DGKB: variants seen among roughly 807,000 people sequenced by gnomAD.
DGKB encodes 90 kDa diacylglycerol kinase.
A neutral mutation model predicts 114.3 loss-of-function variants in DGKB; 67 were observed. The ratio of observed to expected loss-of-function variants is 0.59; its 90% confidence interval spans 0.48 to 0.72. DGKB has a LOEUF of 0.72. DGKB is among the 30% of genes least tolerant of loss of function. DGKB has a pLI of 0.00. For synonymous variants in DGKB, 398 were observed against 323.1 expected, an observed-to-expected ratio of 1.23 and a Z score of -2.49; for missense variants, 907 against 975.2, an observed-to-expected ratio of 0.93 and a Z score of 0.93.
intron 21 of DGKB, among the ~76,000 whole-genome samples, chr7:14,458,083 A>AC (rs1278453088): frequency 6.6e-6 from 1 of 152,178 alleles, no homozygotes; most frequent in East Asian, 1.9e-4. Flanking sequence ...ATTAAAAAAA[A>AC]CGATGCTCTA....
intron 21 of DGKB, among the ~76,000 whole-genome samples, chr7:14,460,429 GA>G (rs530874828): frequency 4.2e-5 from 6 of 143,358 alleles, no homozygotes; most frequent in South Asian, 2.2e-4. Context: ...GGAAAGCAAA[GA>G]AAAAAAAAAC....
At chr7:14,269,815 T>A (rs560088312) in intron 23 of DGKB, among the ~76,000 whole-genome samples, 1 of 152,264 alleles carries the variant, frequency 6.6e-6, no homozygotes, top group South Asian at 2.1e-4. Context: ...AATATGATTT[T>A]AGTCCAAAAT....
intron 21 of DGKB, among the ~76,000 whole-genome samples, chr7:14,391,383 G>T (rs1478667334): frequency 6.6e-6 from 1 of 151,994 alleles, no homozygotes; most frequent in Non-Finnish European, 1.5e-5. Flanking sequence ...ATAAAAAGGT[G>T]ACTTGAATGA....
intron 2 of DGKB, among the ~76,000 whole-genome samples, chr7:14,840,101 G>A (rs1241895899): frequency 6.6e-6 from 1 of 152,124 alleles, no homozygotes; most frequent in South Asian, 2.1e-4. Flanking sequence ...CCTTTTCTCT[G>A]CTTCTACTTT....
chr7:14,381,757 A>G (rs1391989614), intron 21 of DGKB, among the ~76,000 whole-genome samples: 1 of 152,178 alleles, frequency 6.6e-6, no homozygotes, highest in African/African-American at 2.4e-5. Flanking sequence ...CTACAGGTGC[A>G]GGCCACTGTG....
At chr7:14,753,832 C>G (rs910067274) in intron 4 of DGKB, 96 bp downstream of exon 4, 5 of 817,622 alleles carry the variant, frequency 6.1e-6, no homozygotes, top group African/African-American at 3.5e-5. Flanking sequence ...CATATTGGTA[C>G]AGAAGTATAG....
At chr7:14,935,307 T>A (rs997338481) in intron 1 of DGKB, among the ~76,000 whole-genome samples, 12 of 152,190 alleles carry the variant, frequency 7.9e-5, no homozygotes, top group African/African-American at 2.9e-4. Flanking sequence ...ATGAACTCTT[T>A]GAGTTTTGAT....
At position 14,539,672 on chromosome 7, in the gene DGKB, C is replaced by G. The variant is rs531779447; in HGVS notation, c.1770+34540G>C. On this transcript the variant is annotated intron_variant, in intron 20 of 25. Coordinates refer to ENST00000402815, the MANE Select transcript of DGKB (RefSeq NM_001350709.2). ...CATGTTAACTCAGTAATGAAAAGCA[C>G]AGTCCTAGAATGGCTATTCAGTTCC... Among the ~76,000 whole-genome samples, 9 of 152,226 alleles carry G rather than the reference C, an allele frequency of 5.9e-5. No individual in the cohort carries two copies. The East Asian group carries it at 1.5e-3, about 26-fold the overall frequency.
At chr7:14,852,496 A>AAAAAAAAAAAAAAAAAAAAAT (rs74765279) in intron 1 of DGKB, among the ~76,000 whole-genome samples, 13 of 149,102 alleles carry the variant, frequency 8.7e-5, no homozygotes, top group Middle Eastern at 3.4e-3. Context: ...TCAAAAAAAA[A>AAAAAAAAAAAAAAAAAAAAAT]ACAGAAATCA....
At chr7:14,588,788 T>C (rs1211896672) in intron 17 of DGKB, among the ~76,000 whole-genome samples, 1 of 152,136 alleles carries the variant, frequency 6.6e-6, no homozygotes, top group African/African-American at 2.4e-5. Flanking sequence ...TCTGCACTAG[T>C]ACCATACTCT....
At chr7:14,665,001 T>C (rs1348756504) in intron 13 of DGKB, among the ~76,000 whole-genome samples, 1 of 151,980 alleles carries the variant, frequency 6.6e-6, no homozygotes, top group Non-Finnish European at 1.5e-5. Flanking sequence ...AATGCAATGA[T>C]CTTAAAGGTA....
chr7:14,711,700 T>G (rs1475622912), intron 6 of DGKB, among the ~76,000 whole-genome samples: 1 of 151,594 alleles, frequency 6.6e-6, no homozygotes, highest in East Asian at 1.9e-4. Context: ...GGGTGGTGAG[T>G]TGGAAAATTA....
chr7:14,623,109 A>T (rs1398366783), intron 14 of DGKB, among the ~76,000 whole-genome samples: 2 of 152,198 alleles, frequency 1.3e-5, no homozygotes, highest in Non-Finnish European at 2.9e-5. Context: ...AGTCAGGATA[A>T]ATCAAGAAAT....
At chr7:14,665,259 C>G (rs780469346) in intron 13 of DGKB, among the ~76,000 whole-genome samples, 15 of 151,898 alleles carry the variant, frequency 9.9e-5, no homozygotes, top group Admixed American at 2.0e-4. Flanking sequence ...AGGCCATTTT[C>G]CTTAGGAAAC....
At position 14,897,294 on chromosome 7, in the gene DGKB, A is replaced by G. The variant is rs180834557; in HGVS notation, c.-188+5298T>C. Among the ~76,000 whole-genome samples, 154 of 152,024 alleles carry G rather than the reference A, an allele frequency of 1.0e-3. 1 individual carries two copies. The highest frequency in any genetic ancestry group is 2.4e-3 in the Admixed American group (36 of 15,214). On this transcript the variant is annotated intron_variant, in intron 1 of 25. Coordinates refer to ENST00000402815, the MANE Select transcript of DGKB (RefSeq NM_001350709.2). Reference sequence around the variant, plus strand: ...AAAATTAGAATTTTAATTATCACATAACCTGATAATTTGTAGGACAGGGTT... The same window carrying G: ...AAAATTAGAATTTTAATTATCACATGACCTGATAATTTGTAGGACAGGGTT...
In DGKB at chr7:14,427,744, T is replaced by C. The variant is rs544297217; in HGVS notation, c.1835+50417A>G. On this transcript the variant is annotated intron_variant, in intron 21 of 25. Transcript: ENST00000402815. The stretch of plus-strand genomic sequence containing the variant: ...AAACCATCAGATCTTGTGAGACTTA[T>C]TCACTATCATGAGAACAGCACAGGA... 5.3e-5 allele frequency among the ~76,000 whole-genome samples: 8 copies of C among 152,226 alleles called. 1 individual carries two copies. The South Asian group carries it at 1.7e-3, about 32-fold the overall frequency.
At chr7:14,229,421 T>G (rs1315797542) in intron 23 of DGKB, among the ~76,000 whole-genome samples, 1 of 152,004 alleles carries the variant, frequency 6.6e-6, no homozygotes, top group South Asian at 2.1e-4. Flanking sequence ...TATTTGTGTA[T>G]CTAAACATAA....
chr7:14,315,910 G>T (rs985454785), intron 23 of DGKB, among the ~76,000 whole-genome samples: 88 of 151,584 alleles, frequency 5.8e-4, no homozygotes, highest in African/African-American at 1.8e-3. Flanking sequence ...AAATGTAAAA[G>T]AACAGAAATT....
chr7:14,310,285 G>A (rs1805167695), intron 23 of DGKB, among the ~76,000 whole-genome samples: 1 of 152,152 alleles, frequency 6.6e-6, no homozygotes, highest in Non-Finnish European at 1.5e-5. Context: ...AGGCCAGCTG[G>A]TAGGAGATCA....
Sources: gnomAD v4.1 joint callset for allele counts (sites outside exome capture counted in the v4.1 genomes callset) on GRCh38, gnomAD v4.1.1 for gene constraint, MANE v1.5 for transcripts, NCBI Gene and HGNC (gene_info 2026-07-23, HGNC 2026-07-21) for gene names.